The following SRP72 variants were observed in gnomAD, a reference collection of about 807,000 sequenced individuals.
The protein encoded by SRP72 is signal recognition particle subunit SRP72.
SRP72 carries 49 observed loss-of-function variants against 96.3 expected under a neutral mutation model. The ratio of observed to expected loss-of-function variants is 0.51; its 90% CI spans 0.40 to 0.65. The LOEUF (loss-of-function observed/expected upper bound fraction) is 0.65. Among genes scored for constraint, SRP72 ranks in the 30% least tolerant of loss-of-function variants. The pLI is 0.00. For synonymous variants in SRP72, 267 were observed against 275.2 expected (o/e 0.97, Z 0.30); for missense variants, 736 against 793.3 (o/e 0.93, Z 0.87).
At position 56,500,620 on chromosome 4, in the gene SRP72, G is replaced by A; in HGVS notation, c.1763G>A (p.Gly588Glu). Residue 588 changes from glycine (G) to glutamate (E), a missense_variant, in exon 18 of 19, where the codon GGA becomes GAA. Physicochemically the swap from Gly to Glu is moderately conservative, Grantham distance 98. This residue lies in a region of SRP72 where 388 missense variants were observed against 431.8 expected (regional missense o/e 0.90). Coordinates refer to ENST00000642900, the MANE Select transcript of SRP72 (RefSeq NM_006947.4). Reference protein sequence around the residue: ...LPMRERSYYRGRKKGKKKDQI... With the variant: ...LPMRERSYYRERKKGKKKDQI... ...ATGCGAGAACGTTCTTACTACCGGG[G>A]AAGAAAGAAGGGTAAAAAGAAGGAT... 1.2e-6 allele frequency: 2 copies of A among 1,614,022 alleles called. No homozygotes were observed. Among genetic ancestry groups the A allele is most frequent in the Non-Finnish European group, 1.7e-6 (2 of 1,179,968 alleles).
chr4:56,484,174 C>G (rs1373789967), intron 9 of SRP72, among the ~76,000 whole-genome samples: 1 of 151,548 alleles, frequency 6.6e-6, no homozygotes, highest in Admixed American at 6.6e-5. Context: ...GCTGGGACTA[C>G]AGGCGCCCAG....
chr4:56,500,548 A>C lies in SRP72; in HGVS notation c.1691A>C (p.Lys564Thr), dbSNP rs1001767158. 6.2e-7 allele frequency: 1 copy of C among 1,612,592 alleles called. No homozygotes were observed. The highest frequency in any genetic ancestry group is 1.3e-5 in the African/African-American group (1 of 74,814). The change falls in exon 18 of 19, where the codon AAG becomes ACG. Residue 564 changes from lysine (K) to threonine (T), a missense_variant. Lys to Thr is a moderately conservative substitution (Grantham distance 78). Coordinates refer to ENST00000642900, the MANE Select transcript of SRP72 (RefSeq NM_006947.4). Reference protein sequence around the residue: ...KKKKKKGKLPKNYDPKVTPDP... With the variant: ...KKKKKKGKLPTNYDPKVTPDP... ...AATCGTTATGCAGGAAAATTGCCTA[A>C]GAATTATGACCCAAAAGTTACCCCA... is the stretch of plus-strand genomic sequence containing the variant.
chr4:56,488,336 A>G (rs1360004490), intron 12 of SRP72, among the ~76,000 whole-genome samples: 3 of 152,210 alleles, frequency 2.0e-5, no homozygotes, highest in Non-Finnish European at 4.4e-5. Flanking sequence ...CAATTTCATA[A>G]TTGTGGCCAA....
chr4:56,478,750 T>A, intron 8 of SRP72, 101 bp downstream of exon 8: 1 of 1,257,156 alleles, frequency 8.0e-7, no homozygotes, highest in Non-Finnish European at 1.1e-6. Flanking sequence ...CTTTTTAACA[T>A]GATGAAAAAA....
chr4:56,488,832 G>C (rs1390547612), intron 12 of SRP72, among the ~76,000 whole-genome samples: 1 of 152,052 alleles, frequency 6.6e-6, no homozygotes, highest in African/African-American at 2.4e-5. Flanking sequence ...CTGTCCAGAG[G>C]TTTATCAGTT....
At chr4:56,467,767 G>A in intron 1 of SRP72, 23 bp downstream of exon 1, 2 of 1,430,492 alleles carry the variant, frequency 1.4e-6, no homozygotes, top group Non-Finnish European at 1.9e-6. Flanking sequence ...GTGGGCACTG[G>A]GGCGGGCCCA....
At chr4:56,493,459 A>G (rs968707052) in intron 16 of SRP72, among the ~76,000 whole-genome samples, 2 of 152,206 alleles carry the variant, frequency 1.3e-5, no homozygotes, top group East Asian at 3.8e-4. Context: ...AGAAGTTAGT[A>G]TTTTGTTATA....
intron 17 of SRP72, among the ~76,000 whole-genome samples, chr4:56,497,617 T>A (rs1031327218): frequency 6.6e-5 from 10 of 152,160 alleles, no homozygotes; most frequent in Non-Finnish European, 1.5e-4. Context: ...TTTTGCCATC[T>A]TAAAGAATAT....
intron 5 of SRP72, among the ~76,000 whole-genome samples, chr4:56,475,400 A>AT (rs769942027): frequency 0.094 from 12,482 of 133,260 alleles, 672 homozygotes; most frequent in East Asian, 0.32. Context: ...TTTACAAAAA[A>AT]AAAATATATA....
intron 13 of SRP72, 60 bp from the exon 14 acceptor site, chr4:56,490,273 T>C: frequency 1.5e-6 from 2 of 1,317,680 alleles, no homozygotes; most frequent in Non-Finnish European, 2.2e-6. Context: ...TGAATATAAC[T>C]GCATGCACTT....
intron 2 of SRP72, among the ~76,000 whole-genome samples, chr4:56,470,176 G>A (rs1176869561): frequency 6.6e-6 from 1 of 151,514 alleles, no homozygotes; most frequent in Non-Finnish European, 1.5e-5. Context: ...TGGTTTATAA[G>A]GTGCAGAACA....
chr4:56,481,019 A>G lies in SRP72; in HGVS notation c.826-2120A>G, dbSNP rs145115650. Among the ~76,000 whole-genome samples, 243 of 152,308 alleles carry G rather than the reference A, an allele frequency of 1.6e-3. 1 individual carries two copies. The highest frequency in any genetic ancestry group is 5.5e-3 in the African/African-American group (229 of 41,568). On this transcript the variant is annotated intron_variant, in intron 8 of 18. Coordinates refer to ENST00000642900, the MANE Select transcript of SRP72 (RefSeq NM_006947.4). ...TAGTTTAAAAAGTAGATTAGATTGA[A>G]CTATATCAGGGCCTTGGAAATCAAG...
In SRP72 at chr4:56,478,616, T is replaced by C. The variant is rs1720343754; in HGVS notation, c.792T>C (p.Ala264=). The C allele has an allele frequency of 6.2e-7, 1 of 1,614,074 alleles. No individual in the cohort carries two copies. The highest frequency in any genetic ancestry group is 1.3e-5 in the African/African-American group (1 of 75,070). ...GACCAACAGATGTGGGATTACTAGC[T>C]GTAATTGCAAATAACATCATTACCA... ...KLKPTDVGLL[A]VIANNIITIN... The change falls in exon 8 of 19, where the codon GCT becomes GCC. Residue 264 remains alanine, a synonymous_variant. Transcript: ENST00000642900.
intron 16 of SRP72, among the ~76,000 whole-genome samples, chr4:56,492,358 A>T (rs767390017): frequency 6.6e-6 from 1 of 152,214 alleles, no homozygotes; most frequent in Non-Finnish European, 1.5e-5. Context: ...AGTCGGCTTC[A>T]TCTACTTAAA....
intron 18 of SRP72, among the ~76,000 whole-genome samples, chr4:56,501,319 AATCACGTGAACCCAGAAGG>A (rs1390895562): frequency 2.0e-5 from 3 of 152,106 alleles, no homozygotes; most frequent in Admixed American, 6.5e-5. Context: ...GAGGCAGGAG[AATCACGTGAACCCAGAAGG>A]ATCACGTGAA....
chr4:56,469,842 T>TG, intron 2 of SRP72, 69 bp downstream of exon 2: 1 of 1,366,952 alleles, frequency 7.3e-7, no homozygotes, highest in Non-Finnish European at 9.7e-7. Context: ...CTCTTCCATG[T>TG]TTTTTCCCAA....
chr4:56,468,591 C>T (rs984505318), intron 1 of SRP72, among the ~76,000 whole-genome samples: 2 of 151,918 alleles, frequency 1.3e-5, no homozygotes, highest in Admixed American at 6.6e-5. Context: ...CTTAGCTGTT[C>T]AGAGTAGCAG....
At chr4:56,500,305 T>C (rs949588850) in intron 17 of SRP72, 44 of 384,654 alleles carry the variant, frequency 1.1e-4, no homozygotes, top group Admixed American at 1.9e-4. Context: ...CCATGGCACA[T>C]GTATACCTAT....
intron 5 of SRP72, 103 bp downstream of exon 5, chr4:56,474,494 T>C: frequency 1.0e-6 from 1 of 988,430 alleles, no homozygotes; most frequent in Non-Finnish European, 1.5e-6. Context: ...TAAATGGAAG[T>C]TATTGATGCA....
Sources: allele counts gnomAD v4.1 joint callset (sites outside exome capture counted in the v4.1 genomes callset), GRCh38; gene constraint gnomAD v4.1.1; regional missense constraint gnomAD v4.1.1; transcripts MANE v1.5; gene names NCBI Gene and HGNC (gene_info 2026-07-23, HGNC 2026-07-21).